The following RIT2 variants were observed in gnomAD, a reference collection of about 807,000 sequenced individuals.
RIT2 encodes the protein GTP-binding protein Rit2.
RIT2 carries 24 observed loss-of-function variants against 23.7 expected under a neutral mutation model. The ratio of observed to expected loss-of-function variants is 1.01; its 90% CI spans 0.73 to 1.43. The LOEUF (loss-of-function observed/expected upper bound fraction) is 1.43, where lower values mean the gene tolerates loss of function less well. Ranked by LOEUF, RIT2 falls within the 40% of genes most tolerant of loss-of-function variation. The pLI is 0.00. For missense variants in RIT2, 236 were observed against 266.9 expected, an observed-to-expected ratio of 0.88 and a Z score of 0.81; for synonymous variants, 107 against 91.1, an observed-to-expected ratio of 1.17 and a Z score of -0.99.
At chr18:43,088,951 G>A (rs1913352929) in intron 1 of RIT2, among the ~76,000 whole-genome samples, 1 of 152,094 alleles carries the variant, frequency 6.6e-6, no homozygotes. Flanking sequence ...TAAACTGAGA[G>A]TTCACTGAAA....
chr18:42,897,053 T>C (rs1004823398), intron 4 of RIT2, among the ~76,000 whole-genome samples: 2 of 152,202 alleles, frequency 1.3e-5, no homozygotes, highest in Non-Finnish European at 2.9e-5. Flanking sequence ...CCTTTATCTT[T>C]TCTGAGACCA....
At position 43,013,446 on chromosome 18, in the gene RIT2, G is replaced by T. The variant is rs141575049; in HGVS notation, c.160+20365C>A. Among the ~76,000 whole-genome samples the T allele has an allele frequency of 1.9e-3, 295 of 151,846 alleles. 2 individuals are homozygous for T. The highest frequency in any genetic ancestry group is 6.5e-3 in the African/African-American group (270 of 41,506). ...TGCAGTTTCTGATTCCCAGTGGGGA[G>T]AATGTTGAACTTTCATTATACGCTG... is the stretch of plus-strand genomic sequence containing the variant. On this transcript the variant is annotated intron_variant, in intron 2 of 4. Coordinates refer to ENST00000326695, the MANE Select transcript of RIT2 (RefSeq NM_002930.4).
At position 42,745,702 on chromosome 18, in the gene RIT2, A is replaced by G. The variant is rs893379409; in HGVS notation, c.427-1982T>C. Among the ~76,000 whole-genome samples, 41 of 152,154 alleles carry G rather than the reference A, an allele frequency of 2.7e-4. 1 individual carries two copies. Among genetic ancestry groups the G allele is most frequent in the Admixed American group, 2.0e-3 (30 of 15,244 alleles). On this transcript the variant is annotated intron_variant, in intron 4 of 4. Coordinates refer to ENST00000326695, the MANE Select transcript of RIT2 (RefSeq NM_002930.4). ...CATTCTGACTTGCCAGCAATTGAGC[A>G]AAGTTATGTTTATTAAGTAACTTCC...
At chr18:43,056,080 A>G (rs1912496086) in intron 1 of RIT2, among the ~76,000 whole-genome samples, 1 of 152,092 alleles carries the variant, frequency 6.6e-6, no homozygotes, top group South Asian at 2.1e-4. Context: ...CCTGTGTGCA[A>G]AAGTAAGAAA....
rs1236561078 is a variant in RIT2, at chr18:42,787,987, A to AAC, written c.427-44268_427-44267insGT. Among the ~76,000 whole-genome samples, 3 of 143,486 alleles carry AAC rather than the reference A, an allele frequency of 2.1e-5. No homozygotes were observed. In the East Asian group the frequency reaches 1.1e-3, roughly 51 times the overall value. 94.1% of individuals were successfully genotyped at this position (143,486 alleles called of 152,430 possible). The stretch of plus-strand genomic sequence containing the variant: ...ACAATTAAAAATTAATATGAATGTT[A>AAC]ATAAAAGTTTAAAATTTAAATTATC... On this transcript the variant is annotated intron_variant, in intron 4 of 4. Coordinates refer to ENST00000326695, the MANE Select transcript of RIT2 (RefSeq NM_002930.4).
chr18:43,047,656 G>A (rs1181790405), intron 1 of RIT2, among the ~76,000 whole-genome samples: 1 of 152,066 alleles, frequency 6.6e-6, no homozygotes, highest in African/African-American at 2.4e-5. Flanking sequence ...CTACAAATGA[G>A]AAGAGTAAGC....
chr18:42,841,380 A>G (rs1906763764), intron 4 of RIT2, among the ~76,000 whole-genome samples: 1 of 152,244 alleles, frequency 6.6e-6, no homozygotes, highest in South Asian at 2.1e-4. Flanking sequence ...TTTCAAAGTT[A>G]TAAAATCATA....
At chr18:42,927,866 A>G (rs1326535779) in intron 3 of RIT2, among the ~76,000 whole-genome samples, 7 of 152,070 alleles carry the variant, frequency 4.6e-5, no homozygotes. Context: ...AAATGAATAA[A>G]GAATTTTTGA....
chr18:42,950,790 T>A (rs545264690), intron 3 of RIT2, among the ~76,000 whole-genome samples: 1 of 151,424 alleles, frequency 6.6e-6, no homozygotes, highest in South Asian at 2.1e-4. Context: ...CCCAAACTTG[T>A]GGAGCATGTG....
intron 4 of RIT2, among the ~76,000 whole-genome samples, chr18:42,900,601 C>T (rs761807781): frequency 3.3e-5 from 5 of 152,006 alleles, no homozygotes; most frequent in Non-Finnish European, 5.9e-5. Flanking sequence ...CATCACATCC[C>T]TGACTCTGTC....
At chr18:42,758,089 G>T (rs777350063) in intron 4 of RIT2, among the ~76,000 whole-genome samples, 14 of 150,542 alleles carry the variant, frequency 9.3e-5, no homozygotes, top group Non-Finnish European at 1.5e-4. Context: ...CAGCCCCTTT[G>T]GTTTCAGAAA....
chr18:42,749,156 A>T (rs1912986706), intron 4 of RIT2, among the ~76,000 whole-genome samples: 1 of 152,002 alleles, frequency 6.6e-6, no homozygotes, highest in Admixed American at 6.6e-5. Flanking sequence ...AATGAAATTG[A>T]TCTAGAAATT....
At chr18:42,882,062 C>A (rs1438135300) in intron 4 of RIT2, among the ~76,000 whole-genome samples, 2 of 152,192 alleles carry the variant, frequency 1.3e-5, no homozygotes, top group African/African-American at 4.8e-5. Context: ...TTATGGTTTA[C>A]ACCTCTCTAT....
At chr18:42,753,224 G>A (rs541311909) in intron 4 of RIT2, among the ~76,000 whole-genome samples, 1 of 152,284 alleles carries the variant, frequency 6.6e-6, no homozygotes, top group South Asian at 2.1e-4. Context: ...GACTTCAGGA[G>A]CTTTCTAGCT....
chr18:42,862,308 C>T (rs1285851686), intron 4 of RIT2, among the ~76,000 whole-genome samples: 1 of 152,142 alleles, frequency 6.6e-6, no homozygotes, highest in African/African-American at 2.4e-5. Context: ...CATTGCCTCC[C>T]CCTTGCCTTC....
intron 3 of RIT2, among the ~76,000 whole-genome samples, chr18:42,937,647 C>T (rs1391805113): frequency 6.6e-6 from 1 of 152,120 alleles, no homozygotes; most frequent in South Asian, 2.1e-4. Flanking sequence ...ACAAAGCTTC[C>T]TGATCTACAT....
chr18:42,977,727 G>A (rs1910507013), intron 2 of RIT2, among the ~76,000 whole-genome samples: 2 of 150,848 alleles, frequency 1.3e-5, no homozygotes, highest in Non-Finnish European at 3.0e-5. Flanking sequence ...ATCACAAAAT[G>A]TATAAAAGCA....
At chr18:43,064,420 G>A (rs532025782) in intron 1 of RIT2, among the ~76,000 whole-genome samples, 2 of 152,180 alleles carry the variant, frequency 1.3e-5, no homozygotes, top group South Asian at 2.1e-4. Flanking sequence ...ACATTTTGGA[G>A]GTGACAAATT....
intron 4 of RIT2, among the ~76,000 whole-genome samples, chr18:42,825,753 T>G (rs1285921202): frequency 6.6e-6 from 1 of 151,784 alleles, no homozygotes; most frequent in Non-Finnish European, 1.5e-5. Flanking sequence ...TTATAATAGG[T>G]TTTAAATGGA....
Sources: allele counts gnomAD v4.1 joint callset (sites outside exome capture counted in the v4.1 genomes callset), GRCh38; gene constraint gnomAD v4.1.1; transcripts MANE v1.5; gene names NCBI Gene and HGNC (gene_info 2026-07-23, HGNC 2026-07-21).